POU2F1: variants seen among roughly 807,000 people sequenced by gnomAD.
The protein encoded by POU2F1 is POU class 2 homeobox 1, also known as POU domain, class 2, transcription factor 1.
In POU2F1, 16 loss-of-function variants were observed where a neutral mutation model predicts 84.9. That is an observed-to-expected ratio of 0.19 (90% CI 0.13 to 0.29). The LOEUF (loss-of-function observed/expected upper bound fraction) is 0.29. Among genes scored for constraint, POU2F1 ranks in the 10% least tolerant of loss-of-function variants. POU2F1 has a pLI of 1.00. For missense variants in POU2F1, 738 were observed against 942.6 expected (o/e 0.78, Z 2.84); for synonymous variants, 368 against 368.3 (o/e 1.00, Z 0.01).
chr1:167,408,047 A>G (rs1425475081), intron 13 of POU2F1, among the ~76,000 whole-genome samples: 1 of 152,230 alleles, frequency 6.6e-6, no homozygotes, highest in Admixed American at 6.5e-5. Flanking sequence ...GAATATAAAC[A>G]ACTCAGATTT....
chr1:167,260,939 T>A (rs986366369), intron 1 of POU2F1, among the ~76,000 whole-genome samples: 3 of 152,170 alleles, frequency 2.0e-5, no homozygotes, highest in African/African-American at 7.2e-5. Flanking sequence ...TTAACTATAT[T>A]TTTTTGTTCC....
In POU2F1 at chr1:167,418,313, A is replaced by G. The variant is rs1650435220; in HGVS notation, c.*2503A>G. On this transcript the variant is annotated 3_prime_UTR_variant, in exon 16 of 16. Transcript: ENST00000367866. The stretch of plus-strand genomic sequence containing the variant: ...AACTAGTTTATTAGGTTGGTGTGTA[A>G]ATAGAATGACAATGTCAATTACTAA... 1 of 152,194 alleles carries G rather than the reference A, an allele frequency of 6.6e-6. No homozygotes were observed. Among genetic ancestry groups the G allele is most frequent in the South Asian group, 2.1e-4 (1 of 4,836 alleles). The allele number at this position is 152,194 out of a possible 1,614,324, so 9.4% of individuals were successfully genotyped here. A position where few individuals can be genotyped will look rare whatever the true frequency, so the allele number is the denominator to read the frequency against.
intron 8 of POU2F1, among the ~76,000 whole-genome samples, chr1:167,386,748 TTA>T (rs1354180937): frequency 6.6e-6 from 1 of 152,144 alleles, no homozygotes; most frequent in East Asian, 1.9e-4. Context: ...CTCAAAAGCA[TTA>T]TACTACATGA....
At chr1:167,373,736 A>G (rs1660152426) in intron 5 of POU2F1, among the ~76,000 whole-genome samples, 1 of 152,182 alleles carries the variant, frequency 6.6e-6, no homozygotes, top group African/African-American at 2.4e-5. Context: ...GGTTATATCC[A>G]GCATCCTTGT....
At chr1:167,366,843 T>C (rs1470451488) in intron 3 of POU2F1, among the ~76,000 whole-genome samples, 1 of 152,196 alleles carries the variant, frequency 6.6e-6, no homozygotes, top group Non-Finnish European at 1.5e-5. Flanking sequence ...CTAAGAGGAA[T>C]AGCATTTTTG....
At chr1:167,362,635 C>T (rs1255306043) in intron 2 of POU2F1, among the ~76,000 whole-genome samples, 4 of 152,206 alleles carry the variant, frequency 2.6e-5, no homozygotes, top group Non-Finnish European at 5.9e-5. Context: ...GCCTCAGCCT[C>T]TGAGTAGCTG....
Position 167,300,305 on chromosome 1 carries a change from G to A in POU2F1, c.62-32165G>A, listed in dbSNP as rs544601315. Among the ~76,000 whole-genome samples the A allele has an allele frequency of 2.0e-5, 3 of 152,236 alleles. No individual in the cohort carries two copies. The South Asian group carries it at 6.2e-4, about 32-fold the overall frequency. On this transcript the variant is annotated intron_variant, in intron 1 of 15. Coordinates refer to ENST00000367866, the MANE Select transcript of POU2F1 (RefSeq NM_002697.4). Reference sequence around the variant, plus strand: ...AAGGAGAGCAAGGGTTAAAAAATTAGAGATCAGGTACCGTATTCACTGTTT... The same window carrying A: ...AAGGAGAGCAAGGGTTAAAAAATTAAAGATCAGGTACCGTATTCACTGTTT...
intron 3 of POU2F1, among the ~76,000 whole-genome samples, chr1:167,368,163 A>T (rs1659800990): frequency 6.6e-6 from 1 of 152,218 alleles, no homozygotes; most frequent in Non-Finnish European, 1.5e-5. Flanking sequence ...AGTCTTCTTC[A>T]ATCCAGAACA....
chr1:167,228,992 G>C (rs779079022), intron 1 of POU2F1, among the ~76,000 whole-genome samples: 1 of 152,034 alleles, frequency 6.6e-6, no homozygotes, highest in African/African-American at 2.4e-5. Flanking sequence ...ACTTTCTCAA[G>C]GTCCTGTGTT....
At chr1:167,251,314 G>T (rs1344275751) in intron 1 of POU2F1, among the ~76,000 whole-genome samples, 1 of 152,088 alleles carries the variant, frequency 6.6e-6, no homozygotes, top group African/African-American at 2.4e-5. Flanking sequence ...TGGGAGGATT[G>T]ATTGAGCCCA....
intron 1 of POU2F1, among the ~76,000 whole-genome samples, chr1:167,277,317 A>G (rs183382937): frequency 4.0e-5 from 6 of 151,860 alleles, no homozygotes; most frequent in Admixed American, 3.3e-4. Flanking sequence ...GCTCACTGCA[A>G]CCTCACACTC....
At chr1:167,314,279 T>G (rs1291109808) in intron 1 of POU2F1, among the ~76,000 whole-genome samples, 1 of 150,724 alleles carries the variant, frequency 6.6e-6, no homozygotes, top group African/African-American at 2.4e-5. Context: ...AATAAGCACA[T>G]AAAAGGGTGT....
intron 9 of POU2F1, among the ~76,000 whole-genome samples, chr1:167,394,577 A>G (rs747860154): frequency 2.6e-5 from 4 of 152,218 alleles, no homozygotes; most frequent in South Asian, 2.1e-4. Flanking sequence ...GTCCAATACA[A>G]TAGCCACTGT....
rs898982742 is a variant in POU2F1, at chr1:167,418,257, T to C, written c.*2447T>C. 6.6e-6 allele frequency: 1 copy of C among 152,258 alleles called. No homozygotes were observed. The highest frequency in any genetic ancestry group is 1.5e-5 in the Non-Finnish European group (1 of 68,040). 9.4% of individuals were successfully genotyped at this position (152,258 alleles called of 1,614,324 possible). Reference sequence around the variant, plus strand: ...AATCTTTTATGTTGGTAAATTGTGATATCCTCTGGGCAGACATTAACTTGA... The same window carrying C: ...AATCTTTTATGTTGGTAAATTGTGACATCCTCTGGGCAGACATTAACTTGA... On this transcript the variant is annotated 3_prime_UTR_variant, in exon 16 of 16. Transcript: ENST00000367866.
At chr1:167,224,134 C>G (rs538643197) in intron 1 of POU2F1, among the ~76,000 whole-genome samples, 1 of 152,104 alleles carries the variant, frequency 6.6e-6, no homozygotes, top group African/African-American at 2.4e-5. Flanking sequence ...TGTTAACTGG[C>G]CTTATATTTT....
intron 1 of POU2F1, among the ~76,000 whole-genome samples, chr1:167,324,064 A>G (rs1656520257): frequency 6.6e-6 from 1 of 152,194 alleles, no homozygotes; most frequent in Non-Finnish European, 1.5e-5. Context: ...TTTCTGTGAA[A>G]ATTAAGTTAA....
intron 1 of POU2F1, among the ~76,000 whole-genome samples, chr1:167,239,115 C>T (rs950610982): frequency 1.3e-5 from 2 of 152,204 alleles, no homozygotes; most frequent in Non-Finnish European, 2.9e-5. Context: ...ACTGTCCTAA[C>T]ACTACCTATC....
At chr1:167,307,973 G>T (rs957351976) in intron 1 of POU2F1, among the ~76,000 whole-genome samples, 1 of 152,112 alleles carries the variant, frequency 6.6e-6, no homozygotes, top group Non-Finnish European at 1.5e-5. Context: ...CGCATGATTA[G>T]ATTCAAGTCA....
intron 2 of POU2F1, among the ~76,000 whole-genome samples, chr1:167,337,338 GAAA>G (rs1361224161): frequency 6.6e-6 from 1 of 151,634 alleles, no homozygotes; most frequent in Non-Finnish European, 1.5e-5. Context: ...AAAAAAGAAA[GAAA>G]AAAGAGAATG....
Sources: allele counts gnomAD v4.1 joint callset (sites outside exome capture counted in the v4.1 genomes callset), GRCh38; gene constraint gnomAD v4.1.1; transcripts MANE v1.5; gene names NCBI Gene and HGNC (gene_info 2026-07-23, HGNC 2026-07-21).